Variants in ARHGEF37 observed in about 807,000 individuals in gnomAD.
ARHGEF37 encodes the protein Rho guanine nucleotide exchange factor 37.
Under a neutral mutation model 71.1 loss-of-function variants are expected in ARHGEF37, and 55 were observed. The ratio of observed to expected loss-of-function variants is 0.77; its 90% CI spans 0.62 to 0.97. The LOEUF is 0.97. ARHGEF37 is among the 50% of genes least tolerant of loss of function. The pLI, the probability that ARHGEF37 is intolerant of heterozygous loss-of-function variation, is 0.00. For missense variants in ARHGEF37, 765 were observed against 836.8 expected, an observed-to-expected ratio of 0.91 and a Z score of 1.06; for synonymous variants, 327 against 350.6, an observed-to-expected ratio of 0.93 and a Z score of 0.75.
In ARHGEF37 at chr5:149,597,650, A is replaced by G. The variant is rs1763585008; in HGVS notation, c.-11-109A>G. The G allele has an allele frequency of 1.1e-5, 11 of 959,806 alleles. No homozygotes were observed. In the South Asian group the frequency reaches 2.2e-4, roughly 19 times the overall value. The allele number at this position is 959,806 out of a possible 1,614,324, so 59.5% of individuals were successfully genotyped here. ...AACAGTTCATCTTGACTCTGTTTGC[A>G]GCTTAAGATGTTTTTAGGCCTCTTG... On this transcript the variant is annotated intron_variant, in intron 1 of 12. Coordinates refer to ENST00000333677, the MANE Select transcript of ARHGEF37 (RefSeq NM_001001669.3).
chr5:149,608,762 T>A (rs1045223330), intron 3 of ARHGEF37, among the ~76,000 whole-genome samples: 7 of 152,066 alleles, frequency 4.6e-5, no homozygotes, highest in Admixed American at 3.3e-4. Context: ...TGGGGAAGGG[T>A]TGCTGGAGAT....
Position 149,601,243 on chromosome 5 carries a change from A to G in ARHGEF37, c.310+12A>G. On this transcript the variant is annotated intron_variant, in intron 3 of 12. Coordinates refer to ENST00000333677, the MANE Select transcript of ARHGEF37 (RefSeq NM_001001669.3). The stretch of plus-strand genomic sequence containing the variant: ...AGTGCAGCTAGTTGGTAAGCAAAAA[A>G]CCTAAGGAGTTGTCAGCCTTAGATT... 1 of 1,607,422 alleles carries G rather than the reference A, an allele frequency of 6.2e-7. No homozygotes were observed.
At chr5:149,575,880 C>G (rs537394211) in intron 1 of ARHGEF37, among the ~76,000 whole-genome samples, 1 of 149,018 alleles carries the variant, frequency 6.7e-6, no homozygotes, top group East Asian at 2.0e-4. Flanking sequence ...CCCCTGCCGT[C>G]CCCCCCCTCA....
chr5:149,573,008 C>T (rs1049254484), intron 1 of ARHGEF37, among the ~76,000 whole-genome samples: 18 of 152,242 alleles, frequency 1.2e-4, no homozygotes, highest in African/African-American at 3.1e-4. Context: ...AGGACTTCTG[C>T]GCTGGGTCAT....
At chr5:149,563,849 G>A (rs2113236567) in intron 1 of ARHGEF37, among the ~76,000 whole-genome samples, 1 of 151,526 alleles carries the variant, frequency 6.6e-6, no homozygotes, top group African/African-American at 2.4e-5. Flanking sequence ...TATTCTAAAG[G>A]TTTTAGAACC....
chr5:149,621,639 G>A, intron 8 of ARHGEF37, 94 bp from the exon 9 acceptor site: 2 of 1,200,946 alleles, frequency 1.7e-6, no homozygotes, highest in Non-Finnish European at 2.4e-6. Context: ...GAGTTAGACT[G>A]GAATCCAGGC....
chr5:149,609,518 G>C, intron 3 of ARHGEF37, 30 bp from the exon 4 acceptor site: 2 of 1,611,674 alleles, frequency 1.2e-6, no homozygotes, highest in Non-Finnish European at 1.7e-6. Context: ...ACATGCCCTT[G>C]ACGACCCCTT....
At chr5:149,624,313 C>T (rs989924129) in intron 10 of ARHGEF37, among the ~76,000 whole-genome samples, 173 bp downstream of exon 10, 11 of 152,130 alleles carry the variant, frequency 7.2e-5, no homozygotes, top group African/African-American at 2.4e-4. Flanking sequence ...GGGGGACACA[C>T]CCAGATACAT....
At chr5:149,578,529 T>A (rs1369098011), upstream of ARHGEF37, among the ~76,000 whole-genome samples, 1 of 152,144 alleles carries the variant, frequency 6.6e-6, no homozygotes, top group Non-Finnish European at 1.5e-5. Flanking sequence ...CAACAAACAC[T>A]TATTCAGCAC....
intron 1 of ARHGEF37, among the ~76,000 whole-genome samples, chr5:149,566,869 TTATA>T (rs1367957584): frequency 1.3e-5 from 2 of 152,172 alleles, no homozygotes; most frequent in African/African-American, 4.8e-5. Flanking sequence ...TCTCTTCTAA[TTATA>T]TATATAATCA....
At chr5:149,606,980 A>G (rs6579747) in intron 3 of ARHGEF37, among the ~76,000 whole-genome samples, 55,717 of 152,008 alleles carry the variant, frequency 0.37, 11,780 homozygotes, top group Non-Finnish European at 0.48. Context: ...CAGTGGTGCA[A>G]TCTCAGCTCA....
At chr5:149,613,538 G>C (rs962582913) in intron 4 of ARHGEF37, among the ~76,000 whole-genome samples, 3 of 151,926 alleles carry the variant, frequency 2.0e-5, no homozygotes, top group Admixed American at 1.3e-4. Flanking sequence ...GTACAGACAG[G>C]GTTTCACCAT....
intron 4 of ARHGEF37, among the ~76,000 whole-genome samples, chr5:149,610,623 A>G (rs754747827): frequency 1.3e-5 from 2 of 152,182 alleles, no homozygotes; most frequent in Non-Finnish European, 2.9e-5. Context: ...CTGCTCCCAA[A>G]AAAACTGTAT....
intron 3 of ARHGEF37, 131 bp from the exon 4 acceptor site, chr5:149,609,417 C>T (rs1764007897): frequency 3.1e-6 from 3 of 969,490 alleles, no homozygotes; most frequent in Non-Finnish European, 4.7e-6. Flanking sequence ...GTCATTTGCC[C>T]ATGGTGACAT....
chr5:149,618,455 C>T, intron 6 of ARHGEF37, 149 bp downstream of exon 6: 1 of 1,277,012 alleles, frequency 7.8e-7, no homozygotes, highest in Non-Finnish European at 1.1e-6. Flanking sequence ...AGAGGTGGCA[C>T]CCCACTTGAT....
At chr5:149,561,111 A>T (rs1762822947) in intron 1 of ARHGEF37, among the ~76,000 whole-genome samples, 1 of 152,000 alleles carries the variant, frequency 6.6e-6, no homozygotes, top group Admixed American at 6.6e-5. Context: ...CTTCTCTACT[A>T]AAAATACAAA....
Position 149,627,144 on chromosome 5 carries a change from C to T in ARHGEF37, c.1533C>T (p.Tyr511=). The T allele has an allele frequency of 6.2e-7, 1 of 1,614,186 alleles. No homozygotes were observed. Among genetic ancestry groups the T allele is most frequent in the Non-Finnish European group, 8.5e-7 (1 of 1,180,044 alleles). The change falls in exon 11 of 13, where the codon TAC becomes TAT. Residue 511 remains tyrosine, a synonymous_variant. Transcript: ENST00000333677. ...LLSRYGPGKL[Y]QVTSNISGTG... ...GCAGGTATGGCCCTGGGAAGCTGTACCAGGTGACAAGCAACATCAGTGGGA... is the reference window on the plus strand; with the variant it reads ...GCAGGTATGGCCCTGGGAAGCTGTATCAGGTGACAAGCAACATCAGTGGGA...
intron 1 of ARHGEF37, among the ~76,000 whole-genome samples, chr5:149,585,167 T>C (rs1041019298): frequency 2.6e-5 from 4 of 152,210 alleles, no homozygotes; most frequent in Admixed American, 1.3e-4. Context: ...GACCAGAAGG[T>C]AGAGGAACTG....
rs1764019005 is a variant in ARHGEF37, at chr5:149,609,641, ACCGGAAGGAG to A, written c.410_419del (p.Lys137SerfsTer27). ...CAGGCCTTGCTACTGGTGGACACGTACCGGAAGGAGCCGGAGCTGCAGCGGCACATCCAGG... is the reference window on the plus strand; with the variant it reads ...CAGGCCTTGCTACTGGTGGACACGTACCGGAGCTGCAGCGGCACATCCAGG... On this transcript the variant is annotated frameshift_variant, in exon 4 of 13. Transcript: ENST00000333677. LOFTEE classifies it high-confidence loss of function. 1.9e-6 allele frequency: 3 copies of A among 1,613,102 alleles called. No homozygotes were observed. The highest frequency in any genetic ancestry group is 2.5e-6 in the Non-Finnish European group (3 of 1,180,042).
Sources: gnomAD v4.1 joint callset for allele counts (sites outside exome capture counted in the v4.1 genomes callset) on GRCh38, gnomAD v4.1.1 for gene constraint, MANE v1.5 for transcripts, NCBI Gene and HGNC (gene_info 2026-07-23, HGNC 2026-07-21) for gene names.